CEP112: variants seen among roughly 807,000 people sequenced by gnomAD.
The protein encoded by CEP112 is centrosomal protein 112.
CEP112 carries 127 observed loss-of-function variants against 153.0 expected under a neutral mutation model. The observed-to-expected ratio is 0.83, with a 90% CI of 0.72 to 0.96. The LOEUF (loss-of-function observed/expected upper bound fraction) is 0.96. Among genes scored for constraint, CEP112 ranks in the 40% least tolerant of loss-of-function variants. The pLI is 0.00. For missense variants in CEP112, 1,089 were observed against 1,101.2 expected, an observed-to-expected ratio of 0.99 and a Z score of 0.16; for synonymous variants, 358 against 374.4, an observed-to-expected ratio of 0.96 and a Z score of 0.51.
At chr17:65,940,046 A>T (rs145544316) in intron 18 of CEP112, among the ~76,000 whole-genome samples, 1 of 152,210 alleles carries the variant, frequency 6.6e-6, no homozygotes, top group Non-Finnish European at 1.5e-5. Flanking sequence ...CAATAGCAAG[A>T]AAAATAAACT....
At chr17:65,917,988 G>A (rs2060558141) in intron 19 of CEP112, among the ~76,000 whole-genome samples, 1 of 151,956 alleles carries the variant, frequency 6.6e-6, no homozygotes, top group Admixed American at 6.6e-5. Flanking sequence ...ACCAGTCTGG[G>A]CAACACGATG....
chr17:65,684,934 AATT>A (rs1255044278), intron 24 of CEP112, among the ~76,000 whole-genome samples: 44 of 152,336 alleles, frequency 2.9e-4, no homozygotes, highest in Admixed American at 6.5e-4. Context: ...TGGAATTAGA[AATT>A]ATTACCTCCT....
At chr17:66,149,601 A>T (rs1253578441) in intron 4 of CEP112, among the ~76,000 whole-genome samples, 1 of 152,086 alleles carries the variant, frequency 6.6e-6, no homozygotes, top group East Asian at 1.9e-4. Context: ...TAGGTTATCA[A>T]ATATATTGAC....
intron 23 of CEP112, among the ~76,000 whole-genome samples, chr17:65,690,113 CAAAAAAA>C (rs67399289): frequency 8.0e-5 from 5 of 62,580 alleles, no homozygotes; most frequent in East Asian, 5.6e-4. Flanking sequence ...GAAAACAGAC[CAAAAAAA>C]AAAAAAAAAA....
intron 16 of CEP112, among the ~76,000 whole-genome samples, chr17:66,026,778 G>T (rs1023557379): frequency 6.6e-6 from 1 of 152,080 alleles, no homozygotes; most frequent in Middle Eastern, 3.2e-3. Flanking sequence ...CTAATCCAAT[G>T]CTTACACATC....
At chr17:66,005,201 CAAAT>C (rs1432636910) in intron 17 of CEP112, among the ~76,000 whole-genome samples, 2 of 152,054 alleles carry the variant, frequency 1.3e-5, no homozygotes, top group Non-Finnish European at 2.9e-5. Context: ...ATGGAGAAGA[CAAAT>C]AAAATCTAAT....
At chr17:65,757,267 C>T (rs917968383) in intron 21 of CEP112, among the ~76,000 whole-genome samples, 8 of 151,968 alleles carry the variant, frequency 5.3e-5, no homozygotes, top group Admixed American at 2.0e-4. Context: ...CAGGGTGGGA[C>T]GAGGGGAGGA....
At chr17:65,750,844 A>G in intron 21 of CEP112, 120 bp from the exon 22 acceptor site, 1 of 792,702 alleles carries the variant, frequency 1.3e-6, no homozygotes. Context: ...TGGGGCAGCC[A>G]GAAAACCACA....
chr17:65,984,202 T>G (rs1408611416), intron 17 of CEP112, among the ~76,000 whole-genome samples: 3 of 152,196 alleles, frequency 2.0e-5, no homozygotes, highest in Non-Finnish European at 4.4e-5. Flanking sequence ...TGGCTGCTTA[T>G]TATTGATTTC....
intron 20 of CEP112, among the ~76,000 whole-genome samples, chr17:65,897,108 C>T (rs942570133): frequency 1.5e-4 from 23 of 152,144 alleles, no homozygotes; most frequent in Admixed American, 6.6e-4. Flanking sequence ...CAGGCCACCA[C>T]TCTGATGTGA....
chr17:66,015,447 A>T (rs900294195), intron 16 of CEP112, among the ~76,000 whole-genome samples: 10 of 152,090 alleles, frequency 6.6e-5, no homozygotes, highest in African/African-American at 1.4e-4. Context: ...ATCATCCAGT[A>T]ATTTTATTTT....
chr17:66,124,387 AT>A (rs2069742330), intron 6 of CEP112, among the ~76,000 whole-genome samples: 1 of 152,160 alleles, frequency 6.6e-6, no homozygotes, highest in Admixed American at 6.5e-5. Flanking sequence ...GGAAAGTATA[AT>A]AGCAAGCGAA....
chr17:65,986,544 T>C (rs1314939154), intron 17 of CEP112, among the ~76,000 whole-genome samples: 1 of 152,110 alleles, frequency 6.6e-6, no homozygotes, highest in East Asian at 1.9e-4. Context: ...ATGCATCGGA[T>C]TAAAGTAAAG....
chr17:65,654,744 C>T (rs1295522764), intron 24 of CEP112, among the ~76,000 whole-genome samples: 1 of 152,200 alleles, frequency 6.6e-6, no homozygotes, highest in Non-Finnish European at 1.5e-5. Flanking sequence ...TCTGGTAAGT[C>T]TGCCTCTAAG....
chr17:66,064,246 G>A (rs530906336), intron 10 of CEP112, among the ~76,000 whole-genome samples: 4 of 152,114 alleles, frequency 2.6e-5, no homozygotes, highest in South Asian at 4.1e-4. Flanking sequence ...AAAAAGACGT[G>A]TACTGAATGA....
At chr17:65,718,345 T>C (rs1381500571) in intron 23 of CEP112, among the ~76,000 whole-genome samples, 3 of 151,726 alleles carry the variant, frequency 2.0e-5, no homozygotes, top group South Asian at 4.2e-4. Flanking sequence ...GAGGTGGAGG[T>C]TGCAGTGAGC....
intron 21 of CEP112, among the ~76,000 whole-genome samples, chr17:65,804,979 G>C (rs553233872): frequency 4.2e-4 from 64 of 151,970 alleles, no homozygotes; most frequent in African/African-American, 1.5e-3. Flanking sequence ...CTCCAGAGTA[G>C]ATTGCAGTAC....
At chr17:65,978,373 C>T (rs924655903) in intron 17 of CEP112, among the ~76,000 whole-genome samples, 6 of 152,210 alleles carry the variant, frequency 3.9e-5, no homozygotes, top group Non-Finnish European at 8.8e-5. Context: ...TAAACATTGG[C>T]ATTCTATCAG....
chr17:66,102,746 C>T (rs1297219067), intron 6 of CEP112, among the ~76,000 whole-genome samples: 5 of 144,434 alleles, frequency 3.5e-5, no homozygotes, highest in Non-Finnish European at 6.0e-5. Context: ...TGCACTGAGC[C>T]GAGATAACCC....
Sources: gnomAD v4.1 joint callset for allele counts (sites outside exome capture counted in the v4.1 genomes callset) on GRCh38, gnomAD v4.1.1 for gene constraint, MANE v1.5 for transcripts, NCBI Gene and HGNC (gene_info 2026-07-23, HGNC 2026-07-21) for gene names.